The following SLTM variants were observed in gnomAD, a reference collection of about 807,000 sequenced individuals.
SLTM encodes the protein SAFB like transcription modulator.
In SLTM, 43 loss-of-function variants were observed where a neutral mutation model predicts 134.6. That is an observed-to-expected ratio of 0.32 (90% CI 0.25 to 0.41). The LOEUF is 0.41. SLTM is among the 10% of genes least tolerant of loss of function. The pLI is 1.00. For missense variants in SLTM, 1,055 were observed against 1,288.8 expected, an observed-to-expected ratio of 0.82 and a Z score of 2.78; for synonymous variants, 424 against 432.3, an observed-to-expected ratio of 0.98 and a Z score of 0.24.
At chr15:58,901,167 T>C (rs1376219976) in intron 6 of SLTM, 93 bp downstream of exon 6, 10 of 976,898 alleles carry the variant, frequency 1.0e-5, no homozygotes, top group Non-Finnish European at 1.4e-5. Flanking sequence ...ATAAACTAAT[T>C]TCAAAAATAA....
Position 58,913,653 on chromosome 15 carries a change from T to C in SLTM, c.359A>G (p.Asn120Ser), listed in dbSNP as rs1465149940. 7 of 1,613,606 alleles carry C rather than the reference T, an allele frequency of 4.3e-6. No individual in the cohort carries two copies. Among genetic ancestry groups the C allele is most frequent in the Non-Finnish European group, 5.9e-6 (7 of 1,179,876 alleles). ...TTCTTCAGAGTCCTTTAGTTCATCA[T>C]TTCCATCTTGCTCATGTGCCTCTTG... ...ENQEAHEQDG[N>S]DELKDSEEFG... The change falls in exon 4 of 21, where the codon AAT (asparagine) becomes AGT (serine). Residue 120 changes from asparagine (N) to serine (S), a missense_variant. By Grantham distance (46) the Asn-to-Ser change is conservative. This residue lies in a region of SLTM where 268 missense variants were observed against 284.3 expected (regional missense o/e 0.94). Coordinates refer to ENST00000380516, the MANE Select transcript of SLTM (RefSeq NM_024755.4).
chr15:58,917,065 A>T, intron 2 of SLTM, 66 bp from the exon 3 acceptor site: 1 of 1,473,654 alleles, frequency 6.8e-7, no homozygotes, highest in Admixed American at 1.7e-5. Flanking sequence ...AAATATTCAG[A>T]GTTTACCCTG....
chr15:58,885,309 T>A (rs997043779), intron 19 of SLTM, among the ~76,000 whole-genome samples: 9 of 152,056 alleles, frequency 5.9e-5, no homozygotes, highest in Non-Finnish European at 2.9e-5. Context: ...ACAGAGAGGC[T>A]TAGATATAAT....
chr15:58,885,565 T>C (rs1384632599), intron 19 of SLTM, among the ~76,000 whole-genome samples: 4 of 151,816 alleles, frequency 2.6e-5, no homozygotes, highest in Non-Finnish European at 5.9e-5. Context: ...GAGACAGAGG[T>C]GGATGGTCGG....
intron 19 of SLTM, among the ~76,000 whole-genome samples, chr15:58,884,395 T>C (rs958427706): frequency 2.0e-5 from 3 of 151,966 alleles, no homozygotes; most frequent in Non-Finnish European, 4.4e-5. Flanking sequence ...CTCGGCTCAC[T>C]GCAACCTCCG....
At chr15:58,930,827 T>G (rs1420750280) in intron 2 of SLTM, among the ~76,000 whole-genome samples, 2 of 151,096 alleles carry the variant, frequency 1.3e-5, no homozygotes, top group East Asian at 1.9e-4. Flanking sequence ...AAATTTTATA[T>G]TGCTGAAATT....
intron 19 of SLTM, among the ~76,000 whole-genome samples, chr15:58,884,871 G>C (rs1158747159): frequency 6.6e-6 from 1 of 151,962 alleles, no homozygotes. Flanking sequence ...TTGGCCTCAA[G>C]TAATCCTCCC....
Position 58,925,073 on chromosome 15 carries a change from T to TAAAA in SLTM, c.250+7279_250+7282dup, listed in dbSNP as rs61197202. Among the ~76,000 whole-genome samples, 80 of 124,954 alleles carry TAAAA rather than the reference T, an allele frequency of 6.4e-4. 1 individual carries two copies. The highest frequency in any genetic ancestry group is 2.2e-3 in the African/African-American group (72 of 32,524). 82.0% of individuals were successfully genotyped at this position (124,954 alleles called of 152,430 possible). A position where few individuals can be genotyped will look rare whatever the true frequency, so the allele number is the denominator to read the frequency against. ...ATTCACAAGAGCTACGATAAAATGT[T>TAAAA]AAAAAAAAAAAAAAAAAAAGCTTAG... On this transcript the variant is annotated intron_variant, in intron 2 of 20. Transcript: ENST00000380516.
At chr15:58,904,441 C>T (rs1415446518) in intron 5 of SLTM, among the ~76,000 whole-genome samples, 1 of 152,056 alleles carries the variant, frequency 6.6e-6, no homozygotes, top group Non-Finnish European at 1.5e-5. Context: ...CTAAAAAGCT[C>T]GGCCATAAGC....
rs149149024 is a variant in SLTM at position 58,915,625 on chromosome 15, G to A, written c.315+1310C>T. On this transcript the variant is annotated intron_variant, in intron 3 of 20. Coordinates refer to ENST00000380516, the MANE Select transcript of SLTM (RefSeq NM_024755.4). ...CAGGCATGCAATCATCAATTTTAAC[G>A]GATCCCTGGGCAAACAGTTCCTAAA... Among the ~76,000 whole-genome samples the A allele has an allele frequency of 2.2e-4, 34 of 152,102 alleles. 1 individual carries two copies. The South Asian group carries it at 3.3e-3, about 15-fold the overall frequency.
intron 2 of SLTM, 28 bp downstream of exon 2, chr15:58,932,328 T>C (rs752190156): frequency 1.3e-6 from 2 of 1,558,042 alleles, no homozygotes; most frequent in Non-Finnish European, 8.9e-7. Context: ...AAAATATATT[T>C]TAAAACATGT....
Position 58,900,385 on chromosome 15 carries a change from G to T in SLTM, c.590-448C>A, listed in dbSNP as rs142442173. 396 of 160,394 alleles carry T rather than the reference G, an allele frequency of 2.5e-3. 2 individuals are homozygous for T. The highest frequency in any genetic ancestry group is 3.1e-3 in the Non-Finnish European group (226 of 73,050). 9.9% of individuals were successfully genotyped at this position (160,394 alleles called of 1,614,324 possible). On this transcript the variant is annotated intron_variant, in intron 6 of 20. Coordinates refer to ENST00000380516, the MANE Select transcript of SLTM (RefSeq NM_024755.4). The stretch of plus-strand genomic sequence containing the variant: ...CTGAGGATATCAATCAGTCTTCAGA[G>T]TATTTCAGAGCCCCATCTTTTCCAC...
intron 8 of SLTM, chr15:58,897,485 A>G (rs1230526137): frequency 8.9e-6 from 3 of 337,682 alleles, no homozygotes; most frequent in Admixed American, 4.3e-5. Flanking sequence ...CATGTCTCAG[A>G]CTTTTGCTGT....
intron 14 of SLTM, among the ~76,000 whole-genome samples, chr15:58,891,951 T>C (rs977226434): frequency 6.6e-6 from 1 of 152,284 alleles, no homozygotes; most frequent in Non-Finnish European, 1.5e-5. Context: ...CAATCTGTTG[T>C]CAACTAAATA....
At chr15:58,927,417 G>A (rs556048047) in intron 2 of SLTM, among the ~76,000 whole-genome samples, 16 of 152,128 alleles carry the variant, frequency 1.1e-4, no homozygotes, top group Admixed American at 3.9e-4. Context: ...TTACAGATGC[G>A]AAACACCATG....
At chr15:58,932,470 C>A in intron 1 of SLTM, 27 bp from the exon 2 acceptor site, 2 of 1,452,084 alleles carry the variant, frequency 1.4e-6, no homozygotes, top group Non-Finnish European at 1.9e-6. Flanking sequence ...AGTTAATATG[C>A]TACACAATCT....
Position 58,894,079 on chromosome 15 carries a change from TA to T in SLTM, c.1481+10del, listed in dbSNP as rs777057933. 2.5e-6 allele frequency: 4 copies of T among 1,593,624 alleles called. No individual in the cohort carries two copies. The East Asian group carries it at 9.0e-5, about 36-fold the overall frequency. Reference sequence around the variant, plus strand: ...GCTTATCAAAATAAATAAATAAAAATAAATCCTTACTTGCTACTTCTATCAC... The same window carrying T: ...GCTTATCAAAATAAATAAATAAAAATAATCCTTACTTGCTACTTCTATCAC... On this transcript the variant is annotated intron_variant, in intron 11 of 20. Transcript: ENST00000380516.
chr15:58,894,729 G>C, intron 9 of SLTM, 147 bp from the exon 10 acceptor site: 1 of 698,922 alleles, frequency 1.4e-6, no homozygotes, highest in Non-Finnish European at 2.3e-6. Context: ...TTTTGAGATG[G>C]AGTCACACTC....
Position 58,894,126 on chromosome 15 carries a change from G to C in SLTM, c.1445C>G (p.Ser482Cys), listed in dbSNP as rs758608827. 2.5e-6 allele frequency: 4 copies of C among 1,610,516 alleles called. No individual in the cohort carries two copies. The highest frequency in any genetic ancestry group is 1.1e-5 in the South Asian group (1 of 90,486). The change falls in exon 11 of 21, where the codon TCT (serine) becomes TGT (cysteine). Residue 482 changes from serine to cysteine, a missense_variant. Around this residue, in one of 3 missense-constraint regions of SLTM, gnomAD observed 776 missense variants for 962.2 expected, o/e 0.81. Coordinates refer to ENST00000380516, the MANE Select transcript of SLTM (RefSeq NM_024755.4). ...ATCACTCGTATTTTTTTTATCTCCA[G>C]AACTTCTTGAACTACTCTTTTCATC... ...ENDEKSSSRS[S>C]GDKKNTSDRS...
Sources: allele counts gnomAD v4.1 joint callset (sites outside exome capture counted in the v4.1 genomes callset), GRCh38; gene constraint gnomAD v4.1.1; regional missense constraint gnomAD v4.1.1; transcripts MANE v1.5; gene names NCBI Gene and HGNC (gene_info 2026-07-23, HGNC 2026-07-21).